Variants in ARHGEF33 observed in about 807,000 individuals in gnomAD.
The protein encoded by ARHGEF33 is DH and coiled-coil domain-containing protein ENSP00000381780.
Under a neutral mutation model 101.9 loss-of-function variants are expected in ARHGEF33, and 72 were observed. The ratio of observed to expected loss-of-function variants is 0.71; its 90% CI spans 0.58 to 0.86. ARHGEF33 has a LOEUF of 0.86. Among genes scored for constraint, ARHGEF33 ranks in the 40% least tolerant of loss-of-function variants. The pLI, the probability that ARHGEF33 is intolerant of heterozygous loss-of-function variation, is 0.00. For synonymous variants in ARHGEF33, 499 were observed against 442.5 expected, an observed-to-expected ratio of 1.13 and a Z score of -1.60; for missense variants, 1,169 against 1,111.3, an observed-to-expected ratio of 1.05 and a Z score of -0.74.
chr2:38,955,779 C>T (rs936996772), intron 13 of ARHGEF33, among the ~76,000 whole-genome samples: 17 of 151,982 alleles, frequency 1.1e-4, no homozygotes, highest in Non-Finnish European at 2.4e-4. Flanking sequence ...CGGGTTCATG[C>T]CATTTTCCTG....
At chr2:38,959,699 C>A in intron 15 of ARHGEF33, 142 bp from the exon 16 acceptor site, 1 of 899,238 alleles carries the variant, frequency 1.1e-6, no homozygotes, top group Non-Finnish European at 1.6e-6. Flanking sequence ...TTCGTGGGAG[C>A]GCCTTAGTGG....
rs1667817574 is a variant in ARHGEF33 at position 38,958,132 on chromosome 2, C to T, written c.1469C>T (p.Thr490Ile). 1 of 1,551,904 alleles carries T rather than the reference C, an allele frequency of 6.4e-7. No individual in the cohort carries two copies. The highest frequency in any genetic ancestry group is 2.0e-5 in the Admixed American group (1 of 50,992). The change falls in exon 15 of 18, where the codon ACT (threonine) becomes ATT (isoleucine). Residue 490 changes from threonine to isoleucine, a missense_variant. Thr to Ile is a moderately conservative substitution (Grantham distance 89, BLOSUM62 -1). Coordinates refer to ENST00000409978, the MANE Select transcript of ARHGEF33 (RefSeq NM_001145451.5). ...GCAGGTCCTGAGGCTGTCCGTGACA[C>T]TGGGATCCACTCAGAAGAGTTGCTG... ...PTAGPEAVRD[T>I]GIHSEELLQP...
At position 38,956,775 on chromosome 2, in the gene ARHGEF33, A is replaced by T. The variant is rs1175446866; in HGVS notation, c.1222-124A>T. On this transcript the variant is annotated intron_variant, in intron 13 of 17. Coordinates refer to ENST00000409978, the MANE Select transcript of ARHGEF33 (RefSeq NM_001145451.5). ...GTATAATTAGATGGGGGTCATGTGT[A>T]TTGTTCATTGTTTTGATTAAATGGC... 3.4e-6 allele frequency: 4 copies of T among 1,181,416 alleles called. No homozygotes were observed. The Admixed American group carries it at 9.6e-5, about 28-fold the overall frequency. 73.2% of individuals were successfully genotyped at this position (1,181,416 alleles called of 1,614,324 possible).
In ARHGEF33 at chr2:38,941,894, G is replaced by A. The variant is rs190708594; in HGVS notation, c.791-2007G>A. On this transcript the variant is annotated intron_variant, in intron 9 of 17. Coordinates refer to ENST00000409978, the MANE Select transcript of ARHGEF33 (RefSeq NM_001145451.5). The stretch of plus-strand genomic sequence containing the variant: ...AACTTTTAGGATCTTGTTTTTATTC[G>A]TGGTGTGCTAAACTTTCACAGTGAT... Among the ~76,000 whole-genome samples the A allele has an allele frequency of 1.8e-3, 269 of 151,828 alleles. 3 individuals carry two copies. Among genetic ancestry groups the A allele is most frequent in the African/African-American group, 6.0e-3 (246 of 41,306 alleles).
chr2:38,929,521 C>A (rs994626665), intron 5 of ARHGEF33, among the ~76,000 whole-genome samples, 188 bp from the exon 6 acceptor site: 4 of 152,044 alleles, frequency 2.6e-5, no homozygotes, highest in Non-Finnish European at 5.9e-5. Context: ...GGAAAAATAT[C>A]TTTCATGTTT....
intron 2 of ARHGEF33, among the ~76,000 whole-genome samples, chr2:38,897,987 G>A (rs1666159083): frequency 6.6e-6 from 1 of 152,194 alleles, no homozygotes; most frequent in Non-Finnish European, 1.5e-5. Context: ...AGAAGCCAGA[G>A]CACAAAGGGG....
At chr2:38,960,698 G>T in intron 16 of ARHGEF33, 50 bp downstream of exon 16, 1 of 1,268,450 alleles carries the variant, frequency 7.9e-7, no homozygotes, top group Non-Finnish European at 1.0e-6. Flanking sequence ...CCCAGGCCTA[G>T]ATCTGCAGGA....
rs77179358 is a variant in ARHGEF33 at position 38,950,387 on chromosome 2, C to T, written c.921-602C>T. Among the ~76,000 whole-genome samples the T allele has an allele frequency of 3.1e-4, 47 of 152,248 alleles. 1 individual carries two copies. In the East Asian group the frequency reaches 6.2e-3, roughly 20 times the overall value. ...AAGGTATCCCTTAGAATTTCCACTGCGTGTCATTTAAATGAGCATGTAAAA... is the reference window on the plus strand; with the variant it reads ...AAGGTATCCCTTAGAATTTCCACTGTGTGTCATTTAAATGAGCATGTAAAA... On this transcript the variant is annotated intron_variant, in intron 10 of 17. Transcript: ENST00000409978.
chr2:38,957,947 ATC>A (rs1305481852), intron 14 of ARHGEF33, 85 bp from the exon 15 acceptor site: 2 of 1,449,506 alleles, frequency 1.4e-6, no homozygotes, highest in Non-Finnish European at 1.9e-6. Flanking sequence ...TATCTGAGAC[ATC>A]TCTCTATCTT....
intron 4 of ARHGEF33, among the ~76,000 whole-genome samples, chr2:38,924,143 A>C (rs1186556031): frequency 6.6e-6 from 1 of 152,214 alleles, no homozygotes; most frequent in Non-Finnish European, 1.5e-5. Flanking sequence ...GAACACAGAC[A>C]ATTTACCAAA....
intron 7 of ARHGEF33, among the ~76,000 whole-genome samples, chr2:38,935,048 TAA>T (rs35050000): frequency 4.8e-4 from 66 of 136,498 alleles, no homozygotes; most frequent in Non-Finnish European, 4.6e-4. Context: ...TAGGTGCAGT[TAA>T]AAAAAAAAAA....
chr2:38,960,749 G>T, intron 16 of ARHGEF33, 101 bp downstream of exon 16: 1 of 976,266 alleles, frequency 1.0e-6, no homozygotes, highest in Non-Finnish European at 1.3e-6. Context: ...AGCGGGGCCG[G>T]GCCAGGCTAG....
chr2:38,962,648 A>G (rs528200328), intron 16 of ARHGEF33, among the ~76,000 whole-genome samples: 1 of 152,154 alleles, frequency 6.6e-6, no homozygotes, highest in Non-Finnish European at 1.5e-5. Flanking sequence ...TATCATTAAA[A>G]TTTTCAAGCA....
At chr2:38,911,189 T>C (rs1666501845) in intron 2 of ARHGEF33, among the ~76,000 whole-genome samples, 1 of 152,198 alleles carries the variant, frequency 6.6e-6, no homozygotes, top group Non-Finnish European at 1.5e-5. Context: ...TTTATAGCAT[T>C]TTTTCTACAC....
At chr2:38,894,700 T>C (rs368633231) in intron 1 of ARHGEF33, among the ~76,000 whole-genome samples, 18 of 152,348 alleles carry the variant, frequency 1.2e-4, no homozygotes, top group African/African-American at 4.3e-4. Flanking sequence ...GTGTGTTCTC[T>C]CTTTTAGGAG....
intron 2 of ARHGEF33, among the ~76,000 whole-genome samples, chr2:38,912,626 C>T (rs1666532935): frequency 6.6e-6 from 1 of 151,904 alleles, no homozygotes; most frequent in Non-Finnish European, 1.5e-5. Flanking sequence ...TGAAAATTAC[C>T]CTAATAATTG....
intron 7 of ARHGEF33, among the ~76,000 whole-genome samples, chr2:38,932,540 G>A (rs1253271319): frequency 6.6e-6 from 1 of 152,116 alleles, no homozygotes; most frequent in Non-Finnish European, 1.5e-5. Context: ...CATTGCAGGT[G>A]GCTCTATTTT....
At chr2:38,957,456 A>G (rs970089682) in intron 14 of ARHGEF33, among the ~76,000 whole-genome samples, 2 of 152,396 alleles carry the variant, frequency 1.3e-5, no homozygotes, top group South Asian at 4.1e-4. Context: ...TGAAAGGAAC[A>G]AAATGGCCCC....
chr2:38,900,503 A>G (rs531545823), intron 2 of ARHGEF33, among the ~76,000 whole-genome samples: 140 of 152,352 alleles, frequency 9.2e-4, no homozygotes, highest in Non-Finnish European at 1.7e-3. Context: ...GCTAACTACT[A>G]TAAAGTTTTA....
Sources: allele counts gnomAD v4.1 joint callset (sites outside exome capture counted in the v4.1 genomes callset), GRCh38; gene constraint gnomAD v4.1.1; transcripts MANE v1.5; gene names NCBI Gene and HGNC (gene_info 2026-07-23, HGNC 2026-07-21).